The following APH1B variants were observed in gnomAD, a reference collection of about 807,000 sequenced individuals.
APH1B encodes gamma-secretase subunit APH-1B.
APH1B carries 27 observed loss-of-function variants against 28.2 expected under a neutral mutation model. That is an observed-to-expected ratio of 0.96 (90% CI 0.70 to 1.32). APH1B has a LOEUF of 1.32. APH1B is among the 40% of genes most tolerant of loss of function. The pLI, the probability that APH1B is intolerant of heterozygous loss-of-function variation, is 0.00. For missense variants in APH1B, 305 were observed against 313.6 expected (o/e 0.97, Z 0.21); for synonymous variants, 141 against 124.6 (o/e 1.13, Z -0.88).
At chr15:63,298,835 A>G (rs935334103) in intron 4 of APH1B, among the ~76,000 whole-genome samples, 2 of 151,872 alleles carry the variant, frequency 1.3e-5, no homozygotes, top group African/African-American at 2.4e-5. Context: ...ATCTGACTCT[A>G]AAGATAATAT....
At chr15:63,296,008 T>G (rs1478705791) in intron 4 of APH1B, among the ~76,000 whole-genome samples, 1 of 152,222 alleles carries the variant, frequency 6.6e-6, no homozygotes, top group Non-Finnish European at 1.5e-5. Context: ...TAAAATAATG[T>G]CTTAGAGAAG....
intron 4 of APH1B, among the ~76,000 whole-genome samples, chr15:63,295,047 C>T (rs2038549501): frequency 1.3e-5 from 2 of 152,200 alleles, no homozygotes. Context: ...AACTTACATC[C>T]ATTCCAACTG....
rs372201332 is a variant in APH1B, at chr15:63,298,965, C to T, written c.479-3380C>T. ...TTACGGAGGAGAGGTGGCATTTGAA[C>T]TGGATTGTAAATAAAAGTAAGATTC... On this transcript the variant is annotated intron_variant, in intron 4 of 5. Transcript: ENST00000261879. Among the ~76,000 whole-genome samples, 4 of 150,522 alleles carry T rather than the reference C, an allele frequency of 2.7e-5. No homozygotes were observed. The East Asian group carries it at 5.8e-4, about 22-fold the overall frequency.
chr15:63,287,986 G>A (rs1595760683), intron 4 of APH1B, among the ~76,000 whole-genome samples: 1 of 152,310 alleles, frequency 6.6e-6, no homozygotes, highest in Non-Finnish European at 1.5e-5. Context: ...TCATCCAAAT[G>A]ATGCAGCTAA....
intron 4 of APH1B, among the ~76,000 whole-genome samples, chr15:63,290,009 A>G (rs1329859317): frequency 7.1e-6 from 1 of 140,330 alleles, no homozygotes; most frequent in Admixed American, 6.8e-5. Flanking sequence ...TTTCAAGAGA[A>G]AAAAAAAAAA....
At chr15:63,303,417 T>C (rs750200381) in intron 5 of APH1B, among the ~76,000 whole-genome samples, 7 of 152,250 alleles carry the variant, frequency 4.6e-5, no homozygotes, top group Non-Finnish European at 1.0e-4. Flanking sequence ...CACATCACTA[T>C]AGATGGCTCA....
chr15:63,279,221 CATT>C lies in APH1B; in HGVS notation c.178_180del (p.Ile60del). On this transcript the variant is annotated inframe_deletion, in exon 2 of 6. Coordinates refer to ENST00000261879, the MANE Select transcript of APH1B (RefSeq NM_031301.4). The stretch of plus-strand genomic sequence containing the variant: ...CCCTTGTTTGGTTCATGGCAAGAGT[CATT>C]ATTGACAACAAAGATGGACCAACAC... 5.0e-6 allele frequency: 8 copies of C among 1,612,818 alleles called. No individual in the cohort carries two copies. Among genetic ancestry groups the C allele is most frequent in the Non-Finnish European group, 6.8e-6 (8 of 1,179,120 alleles).
chr15:63,291,116 A>G (rs1225706301), intron 4 of APH1B, among the ~76,000 whole-genome samples: 1 of 152,180 alleles, frequency 6.6e-6, no homozygotes, highest in African/African-American at 2.4e-5. Context: ...TGAGAATTAA[A>G]TGAAATTAAT....
rs2038711074 is a variant in APH1B at position 63,308,622 on chromosome 15, C to G, written c.*2841C>G. The G allele has an allele frequency of 6.6e-6, 1 of 152,262 alleles. No individual in the cohort carries two copies. The highest frequency in any genetic ancestry group is 1.5e-5 in the Non-Finnish European group (1 of 68,070). 9.4% of individuals were successfully genotyped at this position (152,262 alleles called of 1,614,324 possible). A position where few individuals can be genotyped will look rare whatever the true frequency, so the allele number is the denominator to read the frequency against. On this transcript the variant is annotated 3_prime_UTR_variant, in exon 6 of 6. Transcript: ENST00000261879. The stretch of plus-strand genomic sequence containing the variant: ...CAGTTGGGAGAGAAGCTTCTTCCTA[C>G]CTGGTACTCCTCCCATTCACCTCAG...
At position 63,280,725 on chromosome 15, in the gene APH1B, C is replaced by T. The variant is rs192268856; in HGVS notation, c.284+1394C>T. ...GAATAAATAAATATCAAAGGTAACA[C>T]TGAAATTTCCATGGTAATACAACAT... On this transcript the variant is annotated intron_variant, in intron 2 of 5. Coordinates refer to ENST00000261879, the MANE Select transcript of APH1B (RefSeq NM_031301.4). 3.7e-3 allele frequency among the ~76,000 whole-genome samples: 571 copies of T among 152,326 alleles called. 3 individuals carry two copies. Among genetic ancestry groups the T allele is most frequent in the African/African-American group, 0.013 (534 of 41,566 alleles).
intron 3 of APH1B, 114 bp downstream of exon 3, chr15:63,286,742 C>T: frequency 1.5e-5 from 15 of 972,056 alleles, no homozygotes; most frequent in Non-Finnish European, 2.2e-5. Flanking sequence ...CTGCCTTGGC[C>T]TATTGGTGTA....
chr15:63,305,772 C>T lies in APH1B; in HGVS notation c.765C>T (p.Arg255=). ...QDKNFLLYNQ[R]SR ...AGAACTTTCTTCTTTACAACCAGCG[C>T]TCCAGATAACCTCAGGGAACCAGCA... The change falls in exon 6 of 6, where the codon CGC becomes CGT. Residue 255 remains arginine, a synonymous_variant. Transcript: ENST00000261879. 1 of 1,613,902 alleles carries T rather than the reference C, an allele frequency of 6.2e-7. No individual in the cohort carries two copies. Among genetic ancestry groups the T allele is most frequent in the Non-Finnish European group, 8.5e-7 (1 of 1,179,956 alleles).
chr15:63,298,426 G>C (rs1268233333), intron 4 of APH1B, among the ~76,000 whole-genome samples: 1 of 152,152 alleles, frequency 6.6e-6, no homozygotes, highest in Non-Finnish European at 1.5e-5. Context: ...GCCTAAGCTG[G>C]TTTCGAACTC....
intron 5 of APH1B, among the ~76,000 whole-genome samples, chr15:63,303,109 A>G (rs2038649929): frequency 6.6e-6 from 1 of 152,236 alleles, no homozygotes; most frequent in Non-Finnish European, 1.5e-5. Context: ...TGATTACATA[A>G]TTGTTTTATT....
intron 4 of APH1B, among the ~76,000 whole-genome samples, chr15:63,288,843 A>G (rs2038474437): frequency 6.6e-6 from 1 of 152,212 alleles, no homozygotes; most frequent in African/African-American, 2.4e-5. Flanking sequence ...AACCCGATGA[A>G]AATTAATAAA....
intron 4 of APH1B, among the ~76,000 whole-genome samples, chr15:63,297,321 G>A (rs1385143168): frequency 6.6e-6 from 1 of 152,148 alleles, no homozygotes; most frequent in Non-Finnish European, 1.5e-5. Flanking sequence ...ACTCCCAGGA[G>A]TTTGAGACCA....
intron 4 of APH1B, among the ~76,000 whole-genome samples, chr15:63,297,616 A>G (rs1200968681): frequency 1.3e-5 from 2 of 152,226 alleles, no homozygotes; most frequent in Non-Finnish European, 2.9e-5. Context: ...ATTTAGGAAC[A>G]TTAACTGAGA....
At chr15:63,299,810 A>G (rs1238657204) in intron 4 of APH1B, among the ~76,000 whole-genome samples, 3 of 151,982 alleles carry the variant, frequency 2.0e-5, no homozygotes, top group Non-Finnish European at 4.4e-5. Context: ...GGTCGCAAAG[A>G]AAGAACATCC....
At chr15:63,300,557 C>T (rs947603668) in intron 4 of APH1B, among the ~76,000 whole-genome samples, 6 of 152,210 alleles carry the variant, frequency 3.9e-5, no homozygotes, top group African/African-American at 1.2e-4. Context: ...CTCAGCTCCC[C>T]GCCGTCACCA....
Sources: allele counts gnomAD v4.1 joint callset (sites outside exome capture counted in the v4.1 genomes callset), GRCh38; gene constraint gnomAD v4.1.1; transcripts MANE v1.5; gene names NCBI Gene and HGNC (gene_info 2026-07-23, HGNC 2026-07-21).